Variants in RALGPS2 observed in about 807,000 individuals in gnomAD.
The protein encoded by RALGPS2 is Ral GEF with PH domain and SH3 binding motif 2, also known as ras-specific guanine nucleotide-releasing factor RalGPS2.
Under a neutral mutation model 86.8 loss-of-function variants are expected in RALGPS2, and 43 were observed. That is an observed-to-expected ratio of 0.50 (90% CI 0.39 to 0.64). The LOEUF is 0.64. Ranked by LOEUF, RALGPS2 falls within the 30% of genes least tolerant of loss-of-function variation. The probability of loss-of-function intolerance (pLI) is 0.00; values close to 1 mark genes in which losing one functional copy is unlikely to be tolerated. For synonymous variants in RALGPS2, 243 were observed against 231.3 expected (o/e 1.05, Z -0.46); for missense variants, 536 against 694.6 (o/e 0.77, Z 2.57).
chr1:178,855,690 C>T (rs1478426822), intron 8 of RALGPS2, among the ~76,000 whole-genome samples: 1 of 151,640 alleles, frequency 6.6e-6, no homozygotes, highest in Non-Finnish European at 1.5e-5. Flanking sequence ...ACATATTTTC[C>T]TTTAAGACAT....
intron 8 of RALGPS2, among the ~76,000 whole-genome samples, chr1:178,873,822 C>A (rs1658876925): frequency 6.6e-6 from 1 of 152,054 alleles, no homozygotes; most frequent in Admixed American, 6.6e-5. Context: ...ACGAAGCAAC[C>A]ACAGAAGACC....
intron 7 of RALGPS2, among the ~76,000 whole-genome samples, chr1:178,828,208 G>A (rs1655843634): frequency 6.6e-6 from 1 of 152,198 alleles, no homozygotes; most frequent in South Asian, 2.1e-4. Context: ...CTGATAAGGG[G>A]TTAATATCCA....
chr1:178,880,878 G>A (rs540393448), intron 10 of RALGPS2, among the ~76,000 whole-genome samples: 22 of 152,280 alleles, frequency 1.4e-4, no homozygotes, highest in African/African-American at 4.8e-4. Context: ...GACTTAGCCA[G>A]TGAAGCCATG....
At chr1:178,826,455 C>G (rs1655745707) in intron 7 of RALGPS2, among the ~76,000 whole-genome samples, 1 of 152,092 alleles carries the variant, frequency 6.6e-6, no homozygotes, top group African/African-American at 2.4e-5. Context: ...TACAAAAGAA[C>G]AAATACTGTA....
intron 4 of RALGPS2, among the ~76,000 whole-genome samples, chr1:178,786,520 G>A (rs777363631): frequency 1.7e-4 from 26 of 151,970 alleles, no homozygotes; most frequent in Non-Finnish European, 3.5e-4. Flanking sequence ...GGGTGTGTGT[G>A]TGTATAGTGT....
chr1:178,823,779 G>A (rs1417096759), intron 7 of RALGPS2, among the ~76,000 whole-genome samples: 1 of 152,242 alleles, frequency 6.6e-6, no homozygotes, highest in East Asian at 1.9e-4. Context: ...GTGGGCTGGG[G>A]TTCTATTTTA....
chr1:178,805,828 A>C (rs948904997), intron 4 of RALGPS2, among the ~76,000 whole-genome samples: 6 of 151,822 alleles, frequency 4.0e-5, no homozygotes, highest in African/African-American at 1.4e-4. Context: ...ACTGTACTTA[A>C]GTTTTGTTTT....
chr1:178,887,325 T>C (rs552530627), intron 13 of RALGPS2, among the ~76,000 whole-genome samples: 10 of 152,104 alleles, frequency 6.6e-5, no homozygotes, highest in African/African-American at 2.4e-4. Context: ...TGGTGGTGCA[T>C]GCCTGTAATC....
chr1:178,751,927 T>C (rs1321342733), intron 1 of RALGPS2, among the ~76,000 whole-genome samples: 3 of 152,176 alleles, frequency 2.0e-5, no homozygotes, highest in African/African-American at 4.8e-5. Flanking sequence ...ACGTTTTTTT[T>C]CCTAGTCGGT....
chr1:178,868,648 C>T (rs1162790106), intron 8 of RALGPS2, among the ~76,000 whole-genome samples: 2 of 151,872 alleles, frequency 1.3e-5, no homozygotes, highest in Non-Finnish European at 2.9e-5. Context: ...ACAAAAAACA[C>T]CAAAATGCTA....
chr1:178,833,371 C>G, intron 7 of RALGPS2, 53 bp from the exon 8 acceptor site: 1 of 1,422,682 alleles, frequency 7.0e-7, no homozygotes, highest in Non-Finnish European at 9.2e-7. Context: ...CAGGTCTTTG[C>G]TACAATAAAA....
intron 8 of RALGPS2, among the ~76,000 whole-genome samples, chr1:178,834,924 A>T (rs1007383129): frequency 2.0e-5 from 3 of 151,652 alleles, no homozygotes; most frequent in Non-Finnish European, 4.4e-5. Flanking sequence ...ATTACAGGCA[A>T]GCACCACCAC....
At chr1:178,826,283 AG>A (rs1375606474) in intron 7 of RALGPS2, among the ~76,000 whole-genome samples, 1 of 152,240 alleles carries the variant, frequency 6.6e-6, no homozygotes, top group East Asian at 1.9e-4. Flanking sequence ...CATAGTCAAA[AG>A]GTAGAAACAA....
chr1:178,903,644 T>C (rs9988524), intron 18 of RALGPS2, among the ~76,000 whole-genome samples: 95,074 of 152,050 alleles, frequency 0.63, 30,397 homozygotes, highest in African/African-American at 0.77. Context: ...GAATAATAGT[T>C]TCTAATCTTA....
chr1:178,820,311 C>T (rs1198700919), intron 6 of RALGPS2, among the ~76,000 whole-genome samples: 1 of 152,146 alleles, frequency 6.6e-6, no homozygotes, highest in African/African-American at 2.4e-5. Context: ...TTTAAAAATT[C>T]TCCAAATCCT....
chr1:178,775,397 G>A (rs1653028073), intron 1 of RALGPS2, among the ~76,000 whole-genome samples: 2 of 152,150 alleles, frequency 1.3e-5, no homozygotes, highest in Non-Finnish European at 2.9e-5. Context: ...TAAAGTGAAT[G>A]TAGCATAGAG....
chr1:178,821,926 C>G (rs1396075532), intron 7 of RALGPS2, among the ~76,000 whole-genome samples: 1 of 152,028 alleles, frequency 6.6e-6, no homozygotes, highest in Non-Finnish European at 1.5e-5. Flanking sequence ...GTTTTTGCTC[C>G]TTAGAGAATC....
chr1:178,891,745 A>C (rs1207502103), intron 14 of RALGPS2, among the ~76,000 whole-genome samples: 1 of 152,068 alleles, frequency 6.6e-6, no homozygotes, highest in East Asian at 1.9e-4. Context: ...ACTATAAAGG[A>C]TAAAGAGGAA....
chr1:178,914,593 A>G (rs1225967098), intron 19 of RALGPS2, among the ~76,000 whole-genome samples: 2 of 151,836 alleles, frequency 1.3e-5, no homozygotes, highest in African/African-American at 4.8e-5. Context: ...ATGCTGGTCT[A>G]CTAGATACTC....
Sources: allele counts gnomAD v4.1 joint callset (sites outside exome capture counted in the v4.1 genomes callset), GRCh38; gene constraint gnomAD v4.1.1; transcripts MANE v1.5; gene names NCBI Gene and HGNC (gene_info 2026-07-23, HGNC 2026-07-21).